TRERF1: variants seen among roughly 807,000 people sequenced by gnomAD.
TRERF1 encodes transcriptional-regulating factor 1.
TRERF1 carries 27 observed loss-of-function variants against 122.9 expected under a neutral mutation model. The ratio of observed to expected loss-of-function variants is 0.22; its 90% confidence interval spans 0.16 to 0.30. The LOEUF is 0.30. TRERF1 is among the 10% of genes least tolerant of loss of function. The pLI is 1.00. For missense variants in TRERF1, 1,248 were observed against 1,560.3 expected (o/e 0.80, Z 3.37); for synonymous variants, 636 against 641.7 (o/e 0.99, Z 0.13).
chr6:42,319,834 T>C, intron 3 of TRERF1, among the ~76,000 whole-genome samples: 1 of 148,380 alleles, frequency 6.7e-6, no homozygotes, highest in South Asian at 2.1e-4. Flanking sequence ...AAAAAAATGG[T>C]GCATTCAATA....
chr6:42,258,081 T>C (rs1418060232), intron 10 of TRERF1, 54 bp downstream of exon 10: 17 of 1,473,526 alleles, frequency 1.2e-5, no homozygotes, highest in African/African-American at 2.8e-5. Context: ...GTATTAACTA[T>C]ACTTCTCAAG....
intron 3 of TRERF1, among the ~76,000 whole-genome samples, chr6:42,352,981 T>C (rs1769751990): frequency 6.6e-6 from 1 of 152,162 alleles, no homozygotes; most frequent in Admixed American, 6.5e-5. Flanking sequence ...AATGAGTAAT[T>C]TGGCATGACA....
intron 3 of TRERF1, among the ~76,000 whole-genome samples, chr6:42,360,115 T>G (rs1437231421): frequency 6.6e-6 from 1 of 152,270 alleles, no homozygotes; most frequent in African/African-American, 2.4e-5. Context: ...GTGACAATAT[T>G]TGGCAATATA....
At chr6:42,331,853 C>T (rs765277533) in intron 3 of TRERF1, among the ~76,000 whole-genome samples, 145 of 152,372 alleles carry the variant, frequency 9.5e-4, no homozygotes, top group Middle Eastern at 6.8e-3. Context: ...CCCAGCCTCC[C>T]TTTCCCTTGA....
intron 3 of TRERF1, among the ~76,000 whole-genome samples, chr6:42,304,760 T>C (rs1477813758): frequency 6.6e-6 from 1 of 152,130 alleles, no homozygotes; most frequent in Non-Finnish European, 1.5e-5. Flanking sequence ...CAACTGTCTC[T>C]TGCAAAATCA....
At chr6:42,366,298 C>T (rs903059193) in intron 2 of TRERF1, among the ~76,000 whole-genome samples, 3 of 152,236 alleles carry the variant, frequency 2.0e-5, no homozygotes, top group Non-Finnish European at 4.4e-5. Flanking sequence ...AACACAGTGT[C>T]TCAGTTATTT....
chr6:42,374,778 T>C (rs1387929496), intron 2 of TRERF1, among the ~76,000 whole-genome samples: 1 of 151,702 alleles, frequency 6.6e-6, no homozygotes, highest in African/African-American at 2.4e-5. Flanking sequence ...GAGGCTGACA[T>C]GGGTGGATTG....
intron 2 of TRERF1, among the ~76,000 whole-genome samples, chr6:42,366,777 C>A (rs1260218851): frequency 6.6e-6 from 1 of 152,142 alleles, no homozygotes; most frequent in Non-Finnish European, 1.5e-5. Context: ...CAGCTATGGA[C>A]CACCATCTAA....
chr6:42,335,822 C>T (rs991004246), intron 3 of TRERF1, among the ~76,000 whole-genome samples: 3 of 152,192 alleles, frequency 2.0e-5, no homozygotes, highest in Non-Finnish European at 4.4e-5. Flanking sequence ...ATAGTTTCCT[C>T]TACTCCATCT....
rs574721249 is a variant in TRERF1 at position 42,232,320 on chromosome 6, C to T, written c.3278+361G>A. ...GAGTTCCTGATTAGATGTTGTAGAG[C>T]CATTCTCAAATCATTCAGCGGGGAT... is the stretch of plus-strand genomic sequence containing the variant. On this transcript the variant is annotated intron_variant, in intron 17 of 17. Coordinates refer to ENST00000372922, the Ensembl canonical transcript of TRERF1. This position sits in a 1 kb window ranked among gnomAD's most constrained non-coding sequence, Gnocchi z 4.5. 6.6e-6 allele frequency among the ~76,000 whole-genome samples: 1 copy of T among 152,262 alleles called. No homozygotes were observed. The highest frequency in any genetic ancestry group is 2.1e-4 in the South Asian group (1 of 4,830).
At chr6:42,357,354 T>C (rs1025030080) in intron 3 of TRERF1, among the ~76,000 whole-genome samples, 2 of 119,740 alleles carry the variant, frequency 1.7e-5, no homozygotes, top group Non-Finnish European at 3.5e-5. Context: ...AAAAAAAAAA[T>C]CCAGTGTCTG....
intron 2 of TRERF1, among the ~76,000 whole-genome samples, chr6:42,413,772 G>A (rs1781457665): frequency 6.6e-6 from 1 of 152,098 alleles, no homozygotes. Context: ...GGAGCTTCGT[G>A]TGCACCTTAA....
intron 4 of TRERF1, among the ~76,000 whole-genome samples, chr6:42,300,146 G>C (rs1303461461): frequency 6.6e-6 from 1 of 152,232 alleles, no homozygotes; most frequent in Non-Finnish European, 1.5e-5. Context: ...CCTAATGGCA[G>C]AGCAGAGACC....
chr6:42,250,212 C>T (rs1775500878), intron 13 of TRERF1, among the ~76,000 whole-genome samples: 1 of 152,170 alleles, frequency 6.6e-6, no homozygotes, highest in South Asian at 2.1e-4. Context: ...TGAACCTTCA[C>T]TGGCCACTTG....
At chr6:42,306,850 G>A (rs1019684406) in intron 3 of TRERF1, among the ~76,000 whole-genome samples, 3 of 152,196 alleles carry the variant, frequency 2.0e-5, no homozygotes, top group African/African-American at 7.2e-5. Context: ...CAGTCAGACT[G>A]TAAGCTCTAT....
chr6:42,361,698 G>A (rs932635692), intron 3 of TRERF1, among the ~76,000 whole-genome samples: 4 of 152,132 alleles, frequency 2.6e-5, no homozygotes, highest in African/African-American at 4.8e-5. Flanking sequence ...AAGTAGAAAC[G>A]TCCTTATAAT....
At chr6:42,256,649 T>C in intron 12 of TRERF1, 79 bp downstream of exon 12, 1 of 1,292,210 alleles carries the variant, frequency 7.7e-7, no homozygotes, top group Non-Finnish European at 1.1e-6. Flanking sequence ...AAATTGGTTG[T>C]ATGGTACATG....
chr6:42,305,921 A>T (rs1275931864), intron 3 of TRERF1, among the ~76,000 whole-genome samples: 1 of 150,088 alleles, frequency 6.7e-6, no homozygotes, highest in Non-Finnish European at 1.5e-5. Context: ...CCAGAAGGAG[A>T]TGTAATTTTC....
chr6:42,253,141 T>G (rs1776122613), intron 13 of TRERF1, among the ~76,000 whole-genome samples: 1 of 152,196 alleles, frequency 6.6e-6, no homozygotes. Flanking sequence ...GACTGGGGTG[T>G]GTGGCGCTCC....
Sources: allele counts gnomAD v4.1 joint callset (sites outside exome capture counted in the v4.1 genomes callset), GRCh38; gene constraint gnomAD v4.1.1; non-coding constraint Gnocchi (gnomAD v3.1); transcripts MANE v1.5; gene names NCBI Gene and HGNC (gene_info 2026-07-23, HGNC 2026-07-21).